CS: variants seen among roughly 807,000 people sequenced by gnomAD.
CS encodes citrate synthase.
In CS, 13 loss-of-function variants were observed where a neutral mutation model predicts 61.4. That is an observed-to-expected ratio of 0.21 (90% CI 0.14 to 0.34). The LOEUF (loss-of-function observed/expected upper bound fraction) is 0.34. CS is among the 10% of genes least tolerant of loss of function. The pLI, the probability that CS is intolerant of heterozygous loss-of-function variation, is 1.00. For missense variants in CS, 278 were observed against 573.4 expected (o/e 0.48, Z 5.26); for synonymous variants, 159 against 215.2 (o/e 0.74, Z 2.29).
intron 7 of CS, 115 bp from the exon 8 acceptor site, chr12:56,275,246 T>C: frequency 2.4e-6 from 3 of 1,263,548 alleles, no homozygotes; most frequent in Non-Finnish European, 2.2e-6. Flanking sequence ...TGCCAGCCTA[T>C]AGCCAGTCAG....
intron 6 of CS, among the ~76,000 whole-genome samples, chr12:56,276,697 A>G (rs1421132011): frequency 6.6e-6 from 1 of 152,046 alleles, no homozygotes; most frequent in African/African-American, 2.4e-5. Context: ...ATGTGCCACC[A>G]TACCCGGCTA....
intron 1 of CS, among the ~76,000 whole-genome samples, chr12:56,289,702 A>G (rs1478987155): frequency 6.6e-6 from 1 of 152,044 alleles, no homozygotes; most frequent in African/African-American, 2.4e-5. Flanking sequence ...TCGGCCTCCC[A>G]AAGTGCTGGG....
Position 56,271,985 on chromosome 12 carries a change from A to AG in CS, c.*1098dup, listed in dbSNP as rs1443579622. 1 of 434,596 alleles carries AG rather than the reference A, an allele frequency of 2.3e-6. No homozygotes were observed. The highest frequency in any genetic ancestry group is 4.6e-6 in the Non-Finnish European group (1 of 217,074). 26.9% of individuals were successfully genotyped at this position (434,596 alleles called of 1,614,324 possible). A position where few individuals can be genotyped will look rare whatever the true frequency, so the allele number is the denominator to read the frequency against. ...GTACTGTGAGCTCTCAGGGAAAGGG[A>AG]GGAAAAAGATGTTGATAAATAAGGA... On this transcript the variant is annotated 3_prime_UTR_variant, in exon 11 of 11. Transcript: ENST00000351328.
intron 1 of CS, among the ~76,000 whole-genome samples, chr12:56,291,011 C>A (rs1178573217): frequency 1.3e-5 from 2 of 152,184 alleles, no homozygotes; most frequent in Non-Finnish European, 2.9e-5. Context: ...AACGTTCTGC[C>A]ACCTTCCCAC....
chr12:56,300,132 C>A (rs1033702411), intron 1 of CS, 28 bp downstream of exon 1: 2 of 1,552,174 alleles, frequency 1.3e-6, no homozygotes, highest in African/African-American at 1.4e-5. Context: ...CACCCTGGGA[C>A]GGCGTGCTCC....
chr12:56,279,945 G>A (rs1442563556), intron 6 of CS, among the ~76,000 whole-genome samples: 2 of 151,726 alleles, frequency 1.3e-5, no homozygotes, highest in African/African-American at 4.8e-5. Flanking sequence ...TCCAGCCTGG[G>A]CAACAGAGCG....
At chr12:56,283,740 C>T (rs1205628986) in intron 4 of CS, 52 bp downstream of exon 4, 31 of 1,383,062 alleles carry the variant, frequency 2.2e-5, no homozygotes, top group African/African-American at 8.5e-5. Context: ...CCACGGTTTG[C>T]GTATTTGCAC....
At chr12:56,286,506 T>C (rs1174884693) in intron 2 of CS, 89 bp downstream of exon 2, 33 of 1,027,298 alleles carry the variant, frequency 3.2e-5, no homozygotes, top group Non-Finnish European at 4.7e-5. Flanking sequence ...CTCAGGATAA[T>C]AAGAGGCCAG....
chr12:56,293,610 G>A lies in CS; in HGVS notation c.42+6550C>T, dbSNP rs533522654. Among the ~76,000 whole-genome samples, 3 of 152,076 alleles carry A rather than the reference G, an allele frequency of 2.0e-5. No individual in the cohort carries two copies. The East Asian group carries it at 5.8e-4, about 30-fold the overall frequency. ...CACATGCCTATAGTCCCAGCTACTCGGGAGGCTGAGGCAGAATCGCCTGGA... is the reference window on the plus strand; with the variant it reads ...CACATGCCTATAGTCCCAGCTACTCAGGAGGCTGAGGCAGAATCGCCTGGA... On this transcript the variant is annotated intron_variant, in intron 1 of 10. Transcript: ENST00000351328.
intron 3 of CS, among the ~76,000 whole-genome samples, chr12:56,284,700 G>GT (rs1233756900): frequency 0.49 from 3,793 of 7,748 alleles, 77 homozygotes; most frequent in Middle Eastern, 0.53. Flanking sequence ...AGGATATCGA[G>GT]ACATCCTGGC....
At position 56,282,899 on chromosome 12, in the gene CS, A is replaced by G. The variant is rs1214318529; in HGVS notation, c.360T>C (p.Phe120=). 1 of 1,614,048 alleles carries G rather than the reference A, an allele frequency of 6.2e-7. No individual in the cohort carries two copies. The highest frequency in any genetic ancestry group is 8.5e-7 in the Non-Finnish European group (1 of 1,180,052). ...GGEEPLPEGL[F]WLLVTGHIPT... is the part of the protein sequence containing the mutation. Reference sequence around the variant, plus strand: ...GGATATGTCCAGTTACCAGCAGCCAAAATAAGCCCTCAGGCAGGGGTTCTT... The same window carrying G: ...GGATATGTCCAGTTACCAGCAGCCAGAATAAGCCCTCAGGCAGGGGTTCTT... The change falls in exon 5 of 11, where the codon TTT becomes TTC. Residue 120 remains phenylalanine, a synonymous_variant. Coordinates refer to ENST00000351328, the MANE Select transcript of CS (RefSeq NM_004077.3).
At chr12:56,292,122 G>A (rs1015052382) in intron 1 of CS, among the ~76,000 whole-genome samples, 3 of 152,180 alleles carry the variant, frequency 2.0e-5, no homozygotes, top group Non-Finnish European at 2.9e-5. Context: ...TTGCAGCTGG[G>A]CACTGTGGCT....
At chr12:56,298,774 TCA>T in intron 1 of CS, 1 of 615,670 alleles carries the variant, frequency 1.6e-6, no homozygotes, top group African/African-American at 2.0e-5. Context: ...GTGCAGTGGT[TCA>T]CACCTGTAAT....
chr12:56,286,389 G>T, intron 2 of CS: 2 of 550,682 alleles, frequency 3.6e-6, no homozygotes, highest in East Asian at 2.9e-5. Flanking sequence ...CAAATGTATT[G>T]ATATTCCCAT....
chr12:56,275,721 T>G (rs145463329), intron 7 of CS: 15 of 485,864 alleles, frequency 3.1e-5, no homozygotes, highest in Non-Finnish European at 4.8e-5. Flanking sequence ...AAGAGCGAGC[T>G]CCTGGAAAGC....
rs1469486722 is a variant in CS at position 56,274,779 on chromosome 12, G to A, written c.1018C>T (p.Arg340Trp). 2 of 1,587,258 alleles carry A rather than the reference G, an allele frequency of 1.3e-6. No homozygotes were observed. The highest frequency in any genetic ancestry group is 1.7e-6 in the Non-Finnish European group (2 of 1,168,122). Residue 340 changes from arginine to tryptophan, a missense_variant and splice_region_variant, in exon 9 of 11, where the codon CGG becomes TGG. Physicochemically the swap from Arg to Trp is moderately radical, Grantham distance 101. Around this residue, in one of 2 missense-constraint regions of CS, gnomAD observed 223 missense variants for 503.5 expected, o/e 0.44. Coordinates refer to ENST00000351328, the MANE Select transcript of CS (RefSeq NM_004077.3). ...AGTCGTTAAGCATCTCTGCTTACCC[G>A]TCCTGAGTTGAGTGTGTTCCAGATG... ...DYIWNTLNSG[R>W]VVPGYGHAVL...
Position 56,295,951 on chromosome 12 carries a change from CAAAAAAAA to C in CS, c.42+4201_42+4208del, listed in dbSNP as rs71081343. Among the ~76,000 whole-genome samples the C allele has an allele frequency of 4.4e-4, 18 of 40,506 alleles. 1 individual carries two copies. The highest frequency in any genetic ancestry group is 1.4e-3 in the Admixed American group (3 of 2,132). 26.6% of individuals were successfully genotyped at this position (40,506 alleles called of 152,430 possible). ...CCTAGGCGACAGAGCGAAACTGTCT[CAAAAAAAA>C]AAAAAAAAAAAAAAAAAAAAAAGAA... On this transcript the variant is annotated intron_variant, in intron 1 of 10. Coordinates refer to ENST00000351328, the MANE Select transcript of CS (RefSeq NM_004077.3).
At chr12:56,273,817 A>G in intron 9 of CS, 21 bp from the exon 10 acceptor site, 1 of 1,581,964 alleles carries the variant, frequency 6.3e-7, no homozygotes, top group Middle Eastern at 1.7e-4. Context: ...TGAGGAAAAA[A>G]GATAGTATTC....
intron 3 of CS, chr12:56,285,279 A>G (rs1565621784): frequency 4.5e-6 from 2 of 445,376 alleles, no homozygotes; most frequent in South Asian, 1.6e-5. Flanking sequence ...AGAAATCACT[A>G]TCTTTCTTTT....
Sources: allele counts gnomAD v4.1 joint callset (sites outside exome capture counted in the v4.1 genomes callset), GRCh38; gene constraint gnomAD v4.1.1; regional missense constraint gnomAD v4.1.1; transcripts MANE v1.5; gene names NCBI Gene and HGNC (gene_info 2026-07-23, HGNC 2026-07-21).